Variants in CHST9 observed in about 807,000 individuals in gnomAD.
CHST9 encodes GalNAc-4-sulfotransferase 2.
Under a neutral mutation model 44.4 loss-of-function variants are expected in CHST9, and 41 were observed. The observed-to-expected ratio is 0.92, with a 90% CI of 0.72 to 1.20. CHST9 has a LOEUF of 1.20. CHST9 is among the 50% of genes most tolerant of loss of function. The probability of loss-of-function intolerance (pLI) is 0.00; values close to 1 mark genes in which losing one functional copy is unlikely to be tolerated. For synonymous variants in CHST9, 171 were observed against 178.4 expected (o/e 0.96, Z 0.33); for missense variants, 504 against 516.5 (o/e 0.98, Z 0.23).
chr18:27,125,604 G>T lies in CHST9; in HGVS notation c.121+17085C>A, dbSNP rs189801293. Among the ~76,000 whole-genome samples the T allele has an allele frequency of 7.5e-4, 114 of 152,138 alleles. 1 individual carries two copies. Among genetic ancestry groups the T allele is most frequent in the East Asian group, 5.6e-3 (29 of 5,184 alleles). Reference sequence around the variant, plus strand: ...AGAAAAATTCTTCATCAAGATTCTTGCTAAAGAGATTCATACTAAATATGT... The same window carrying T: ...AGAAAAATTCTTCATCAAGATTCTTTCTAAAGAGATTCATACTAAATATGT... On this transcript the variant is annotated intron_variant, in intron 2 of 5. Coordinates refer to ENST00000618847, the MANE Select transcript of CHST9 (RefSeq NM_031422.6).
intron 1 of CHST9, among the ~76,000 whole-genome samples, chr18:27,162,986 T>G (rs2143934930): frequency 6.6e-6 from 1 of 152,224 alleles, no homozygotes; most frequent in East Asian, 1.9e-4. Flanking sequence ...ACAGATGGGG[T>G]TTTGGTGTGG....
intron 2 of CHST9, among the ~76,000 whole-genome samples, chr18:27,097,988 T>C (rs898834057): frequency 5.9e-5 from 9 of 152,014 alleles, no homozygotes; most frequent in Admixed American, 4.6e-4. Flanking sequence ...TACTGTAGCC[T>C]TGTAGTATAG....
At chr18:27,092,801 T>C (rs2058082082) in intron 2 of CHST9, among the ~76,000 whole-genome samples, 1 of 152,226 alleles carries the variant, frequency 6.6e-6, no homozygotes, top group Non-Finnish European at 1.5e-5. Flanking sequence ...TGCACTGTGG[T>C]CTGAGAGACA....
At chr18:26,919,345 C>A (rs1299191033) in intron 5 of CHST9, among the ~76,000 whole-genome samples, 1 of 152,142 alleles carries the variant, frequency 6.6e-6, no homozygotes, top group Non-Finnish European at 1.5e-5. Context: ...TACTTCAAAG[C>A]CCTTTGTGCT....
At chr18:27,129,428 C>T (rs930344221) in intron 2 of CHST9, among the ~76,000 whole-genome samples, 2 of 151,556 alleles carry the variant, frequency 1.3e-5, no homozygotes, top group Non-Finnish European at 2.9e-5. Flanking sequence ...CCCAGGCTGG[C>T]GTGCAGTGCA....
intron 5 of CHST9, among the ~76,000 whole-genome samples, chr18:26,931,443 A>G (rs1002836779): frequency 6.6e-6 from 1 of 152,236 alleles, no homozygotes; most frequent in African/African-American, 2.4e-5. Flanking sequence ...TAGCAAGTTG[A>G]AAGTGTATGG....
chr18:26,973,779 G>T (rs1432615626), intron 4 of CHST9, among the ~76,000 whole-genome samples: 1 of 152,012 alleles, frequency 6.6e-6, no homozygotes, highest in Non-Finnish European at 1.5e-5. Flanking sequence ...TAATGACCTG[G>T]TTTTTGTATC....
intron 3 of CHST9, among the ~76,000 whole-genome samples, chr18:27,029,203 T>G (rs146594967): frequency 7.0e-4 from 107 of 152,196 alleles, no homozygotes; most frequent in African/African-American, 2.4e-3. Context: ...TTAAATAGTT[T>G]TAGAAAAAAG....
intron 2 of CHST9, among the ~76,000 whole-genome samples, chr18:27,122,600 T>C (rs1438808966): frequency 6.6e-6 from 1 of 152,152 alleles, no homozygotes; most frequent in African/African-American, 2.4e-5. Flanking sequence ...TAATTATCCA[T>C]TCAACTTACT....
At chr18:27,066,497 G>T (rs1047126581) in intron 2 of CHST9, among the ~76,000 whole-genome samples, 1 of 151,998 alleles carries the variant, frequency 6.6e-6, no homozygotes. Flanking sequence ...TCCATTTGTT[G>T]CCCAGGTTGG....
At chr18:26,991,621 A>G (rs1045330121) in intron 4 of CHST9, among the ~76,000 whole-genome samples, 2 of 152,194 alleles carry the variant, frequency 1.3e-5, no homozygotes, top group African/African-American at 2.4e-5. Context: ...CCTCAATGTT[A>G]GAAAACTAGG....
intron 5 of CHST9, among the ~76,000 whole-genome samples, chr18:26,930,303 T>G (rs1269156285): frequency 6.6e-6 from 1 of 152,116 alleles, no homozygotes; most frequent in East Asian, 1.9e-4. Flanking sequence ...TTTCAGGATT[T>G]CATTCTGAGA....
chr18:26,987,720 G>A (rs545529199), intron 4 of CHST9, among the ~76,000 whole-genome samples: 1 of 152,214 alleles, frequency 6.6e-6, no homozygotes, highest in African/African-American at 2.4e-5. Context: ...TGGGAAGTGG[G>A]GTCTTTTGGG....
chr18:27,024,631 G>A lies in CHST9; in HGVS notation c.161-474C>T, dbSNP rs570041454. On this transcript the variant is annotated intron_variant, in intron 3 of 5. Transcript: ENST00000618847. ...GGTGAAATTGAGATAGAGATGCCAT[G>A]TACAGCTCCTGGCATTATTAGTGAC... 1.6e-4 allele frequency among the ~76,000 whole-genome samples: 25 copies of A among 152,328 alleles called. No individual in the cohort carries two copies. The South Asian group carries it at 5.2e-3, about 32-fold the overall frequency.
At chr18:27,089,743 A>T (rs1012506105) in intron 2 of CHST9, among the ~76,000 whole-genome samples, 1 of 151,872 alleles carries the variant, frequency 6.6e-6, no homozygotes, top group Non-Finnish European at 1.5e-5. Context: ...ACTAGTTTGC[A>T]GTCCCACCAA....
At chr18:27,174,757 T>C (rs1365063407) in intron 1 of CHST9, among the ~76,000 whole-genome samples, 1 of 152,018 alleles carries the variant, frequency 6.6e-6, no homozygotes, top group Non-Finnish European at 1.5e-5. Context: ...ACACTCTGGG[T>C]TCACGGATAC....
chr18:26,920,394 G>T (rs1748565634), intron 5 of CHST9, among the ~76,000 whole-genome samples: 1 of 152,132 alleles, frequency 6.6e-6, no homozygotes, highest in Admixed American at 6.5e-5. Flanking sequence ...CCCTGTCTAG[G>T]TTATTTCCCT....
At chr18:26,990,504 T>C (rs994824216) in intron 4 of CHST9, among the ~76,000 whole-genome samples, 1 of 152,234 alleles carries the variant, frequency 6.6e-6, no homozygotes, top group Non-Finnish European at 1.5e-5. Flanking sequence ...GTTATATGTG[T>C]TTCACTTCCA....
rs1217191035 is a variant in CHST9, at chr18:26,915,692, C to T, written c.*567G>A. Reference sequence around the variant, plus strand: ...GCTGTTGAATATAAAAAGCCACAGCCTCATCTGGTTTTTCTGCTATATTCT... The same window carrying T: ...GCTGTTGAATATAAAAAGCCACAGCTTCATCTGGTTTTTCTGCTATATTCT... On this transcript the variant is annotated 3_prime_UTR_variant, in exon 6 of 6. Coordinates refer to ENST00000618847, the MANE Select transcript of CHST9 (RefSeq NM_031422.6). 1 of 152,078 alleles carries T rather than the reference C, an allele frequency of 6.6e-6. No individual in the cohort carries two copies. The highest frequency in any genetic ancestry group is 6.6e-5 in the Admixed American group (1 of 15,242). The allele number at this position is 152,078 out of a possible 1,614,324, so 9.4% of individuals were successfully genotyped here.
Sources: allele counts gnomAD v4.1 joint callset (sites outside exome capture counted in the v4.1 genomes callset), GRCh38; gene constraint gnomAD v4.1.1; transcripts MANE v1.5; gene names NCBI Gene and HGNC (gene_info 2026-07-23, HGNC 2026-07-21).